The following RAPGEF6 variants were observed in gnomAD, a reference collection of about 807,000 sequenced individuals.
RAPGEF6 encodes Rap guanine nucleotide exchange factor 6, also known as PDZ domain containing guanine nucleotide exchange factor (GEF) 2.
Under a neutral mutation model 171.4 loss-of-function variants are expected in RAPGEF6, and 56 were observed. The ratio of observed to expected loss-of-function variants is 0.33; its 90% confidence interval spans 0.26 to 0.41. The LOEUF (loss-of-function observed/expected upper bound fraction) is 0.41. RAPGEF6 is among the 10% of genes least tolerant of loss of function. The probability of loss-of-function intolerance (pLI) is 1.00; values close to 1 mark genes in which losing one functional copy is unlikely to be tolerated. For synonymous variants in RAPGEF6, 692 were observed against 650.1 expected (o/e 1.06, Z -0.98); for missense variants, 1,674 against 1,921.4 (o/e 0.87, Z 2.41).
At chr5:131,533,820 G>T (rs1056103754) in intron 6 of RAPGEF6, among the ~76,000 whole-genome samples, 1 of 151,936 alleles carries the variant, frequency 6.6e-6, no homozygotes, top group African/African-American at 2.4e-5. Context: ...TCAAAGAAAA[G>T]GATTAAACCT....
At chr5:131,627,078 G>T (rs1375933780) in intron 1 of RAPGEF6, among the ~76,000 whole-genome samples, 1 of 152,170 alleles carries the variant, frequency 6.6e-6, no homozygotes, top group Non-Finnish European at 1.5e-5. Context: ...CAAATAAAAA[G>T]ATTCAGGGGA....
At chr5:131,579,901 C>T (rs571957607) in intron 4 of RAPGEF6, among the ~76,000 whole-genome samples, 1 of 152,234 alleles carries the variant, frequency 6.6e-6, no homozygotes, top group Admixed American at 6.5e-5. Context: ...CTGATTGGTA[C>T]ATTTACAATC....
At position 131,492,568 on chromosome 5, in the gene RAPGEF6, G is replaced by C; in HGVS notation, c.1731+14C>G. The C allele has an allele frequency of 6.2e-7, 1 of 1,612,094 alleles. No homozygotes were observed. The highest frequency in any genetic ancestry group is 2.2e-5 in the East Asian group (1 of 44,872). ...TAAGAAGGCTTGAATATAAGTGGTT[G>C]GTTATTTCCTTACCTGATCACCACG... On this transcript the variant is annotated intron_variant, in intron 14 of 27. Transcript: ENST00000509018.
chr5:131,626,415 T>C (rs1765937964), intron 1 of RAPGEF6, among the ~76,000 whole-genome samples: 1 of 152,106 alleles, frequency 6.6e-6, no homozygotes, highest in South Asian at 2.1e-4. Context: ...CGGGAATGCC[T>C]GCTCTAGACT....
rs763268504 is a variant in RAPGEF6, at chr5:131,498,617, CAAGGATAGG to C, written c.1255-19_1255-11del. 1.4e-5 allele frequency: 22 copies of C among 1,610,150 alleles called. No homozygotes were observed. Among genetic ancestry groups the C allele is most frequent in the Non-Finnish European group, 1.9e-5 (22 of 1,178,306 alleles). ...GACGCTCAGGTGTTGCCTAAAAATC[CAAGGATAGG>C]AAGGATTAGAAAATAAACAAATGAC... On this transcript the variant is annotated splice_polypyrimidine_tract_variant and intron_variant, in intron 11 of 27. Coordinates refer to ENST00000509018, the MANE Select transcript of RAPGEF6 (RefSeq NM_016340.6).
chr5:131,455,106 G>A (rs773969094), intron 20 of RAPGEF6, among the ~76,000 whole-genome samples: 61 of 152,204 alleles, frequency 4.0e-4, no homozygotes, highest in Middle Eastern at 3.4e-3. Context: ...CCAGCAATAC[G>A]GAAGCTCTGA....
chr5:131,453,056 C>T lies in RAPGEF6; in HGVS notation c.3198G>A (p.Gln1066=). The part of the protein sequence containing the change: ...ANMDPAMMFR[Q]RSLSQGSTNS... ...TTTTACATATTTCAATGTCCTACCT[C>T]TGTCGAAACATCATAGCTGGGTCCA... Residue 1066 remains glutamine, a splice_region_variant and synonymous_variant, in exon 21 of 28, where the codon CAG becomes CAA. Coordinates refer to ENST00000509018, the MANE Select transcript of RAPGEF6 (RefSeq NM_016340.6). 6.2e-7 allele frequency: 1 copy of T among 1,612,874 alleles called. No individual in the cohort carries two copies. The highest frequency in any genetic ancestry group is 1.1e-5 in the South Asian group (1 of 90,808).
At chr5:131,546,163 G>A (rs1464158139) in intron 6 of RAPGEF6, among the ~76,000 whole-genome samples, 1 of 152,140 alleles carries the variant, frequency 6.6e-6, no homozygotes, top group African/African-American at 2.4e-5. Flanking sequence ...ACTAGAATGA[G>A]CAAGCAGTCA....
intron 5 of RAPGEF6, among the ~76,000 whole-genome samples, chr5:131,552,881 G>T (rs1402901114): frequency 2.0e-5 from 3 of 151,952 alleles, no homozygotes; most frequent in Non-Finnish European, 4.4e-5. Context: ...TAAGAAGCAA[G>T]ACATAATTAA....
At chr5:131,521,323 C>G in intron 7 of RAPGEF6, 67 bp downstream of exon 7, 1 of 1,438,702 alleles carries the variant, frequency 7.0e-7, no homozygotes, top group Middle Eastern at 1.9e-4. Flanking sequence ...CCATCTAAGG[C>G]ACAATCACAG....
rs566126947 is a variant in RAPGEF6, at chr5:131,518,789, T to C, written c.627+2601A>G. ...GATGTTAACATTATTATAAGTTTCT[T>C]CTTTAAATTTCTTCATTCCTATTTT... On this transcript the variant is annotated intron_variant, in intron 7 of 27. Transcript: ENST00000509018. 2.0e-4 allele frequency among the ~76,000 whole-genome samples: 31 copies of C among 152,272 alleles called. No homozygotes were observed. In the South Asian group the frequency reaches 6.4e-3, roughly 32 times the overall value.
At chr5:131,468,479 A>G (rs1754528079) in intron 17 of RAPGEF6, among the ~76,000 whole-genome samples, 1 of 144,606 alleles carries the variant, frequency 6.9e-6, no homozygotes, top group African/African-American at 2.5e-5. Flanking sequence ...TAATTTATAA[A>G]TCTTACAGCG....
At chr5:131,611,875 T>A (rs1372262514) in intron 1 of RAPGEF6, among the ~76,000 whole-genome samples, 1 of 152,202 alleles carries the variant, frequency 6.6e-6, no homozygotes, top group African/African-American at 2.4e-5. Context: ...TCCCAAATTA[T>A]ACACTTTCCC....
chr5:131,515,865 T>C (rs1291729267), intron 7 of RAPGEF6, among the ~76,000 whole-genome samples: 2 of 151,980 alleles, frequency 1.3e-5, no homozygotes, highest in African/African-American at 4.8e-5. Context: ...TAAAACTACA[T>C]TGTAGTTAGA....
intron 8 of RAPGEF6, among the ~76,000 whole-genome samples, chr5:131,508,601 A>G (rs1051992255): frequency 6.6e-6 from 1 of 152,218 alleles, no homozygotes; most frequent in Admixed American, 6.5e-5. Context: ...TAAAAATGCC[A>G]TTAATAAAAT....
intron 6 of RAPGEF6, among the ~76,000 whole-genome samples, chr5:131,526,888 T>C (rs1283235772): frequency 6.6e-6 from 1 of 152,184 alleles, no homozygotes; most frequent in African/African-American, 2.4e-5. Context: ...AGCTAACAAC[T>C]TGAATACAGA....
intron 3 of RAPGEF6, among the ~76,000 whole-genome samples, chr5:131,595,890 T>C (rs1763867820): frequency 6.6e-6 from 1 of 152,172 alleles, no homozygotes; most frequent in Admixed American, 6.5e-5. Flanking sequence ...CAGTGGCTTA[T>C]GCCTGTAATC....
intron 4 of RAPGEF6, 120 bp downstream of exon 4, chr5:131,592,263 C>T: frequency 6.9e-7 from 1 of 1,448,640 alleles, no homozygotes; most frequent in Non-Finnish European, 9.2e-7. Context: ...CCAAGTATTT[C>T]CAATGGTGCC....
chr5:131,496,412 T>C (rs1756645585), intron 12 of RAPGEF6, among the ~76,000 whole-genome samples: 1 of 152,224 alleles, frequency 6.6e-6, no homozygotes, highest in African/African-American at 2.4e-5. Flanking sequence ...CATAATTTAG[T>C]ACCTTAACAA....
Sources: allele counts gnomAD v4.1 joint callset (sites outside exome capture counted in the v4.1 genomes callset), GRCh38; gene constraint gnomAD v4.1.1; transcripts MANE v1.5; gene names NCBI Gene and HGNC (gene_info 2026-07-23, HGNC 2026-07-21).